The following LARGE1 variants were observed in gnomAD, a reference collection of about 807,000 sequenced individuals.
LARGE1 encodes the protein xylosyl- and glucuronyltransferase LARGE1.
LARGE1 carries 43 observed loss-of-function variants against 87.6 expected under a neutral mutation model. The ratio of observed to expected loss-of-function variants is 0.49; its 90% CI spans 0.38 to 0.63. LARGE1 has a LOEUF of 0.63. Among genes scored for constraint, LARGE1 ranks in the 30% least tolerant of loss-of-function variants. The pLI is 0.00. For synonymous variants in LARGE1, 434 were observed against 394.6 expected, an observed-to-expected ratio of 1.10 and a Z score of -1.18; for missense variants, 802 against 1,000.2, an observed-to-expected ratio of 0.80 and a Z score of 2.67.
At chr22:33,712,772 A>G (rs1182280462) in intron 2 of LARGE1, among the ~76,000 whole-genome samples, 1 of 152,074 alleles carries the variant, frequency 6.6e-6, no homozygotes, top group Non-Finnish European at 1.5e-5. Flanking sequence ...AGGCAACAAC[A>G]CAGGGAAGAA....
At chr22:33,330,942 G>C (rs931997743) in intron 10 of LARGE1, among the ~76,000 whole-genome samples, 2 of 152,204 alleles carry the variant, frequency 1.3e-5, no homozygotes, top group South Asian at 2.1e-4. Context: ...GTTTGACTTA[G>C]AGCAAATGTG....
At chr22:33,160,986 C>T (rs1448193077), downstream of LARGE1, among the ~76,000 whole-genome samples, 1 of 152,202 alleles carries the variant, frequency 6.6e-6, no homozygotes, top group Admixed American at 6.5e-5. Flanking sequence ...CATTCTCATG[C>T]TGCTATAAAG....
intron 1 of LARGE1, among the ~76,000 whole-genome samples, chr22:33,788,188 G>C (rs1272862524): frequency 1.3e-5 from 2 of 152,162 alleles, no homozygotes; most frequent in Non-Finnish European, 2.9e-5. Flanking sequence ...TCCCCATACT[G>C]TGCTCGTGGT....
chr22:33,832,221 T>G (rs1412783622), intron 1 of LARGE1, among the ~76,000 whole-genome samples: 1 of 152,180 alleles, frequency 6.6e-6, no homozygotes, highest in East Asian at 1.9e-4. Context: ...CAGAGCTCAC[T>G]TAGCTCGAGC....
chr22:33,531,926 C>G (rs971689803), intron 6 of LARGE1, among the ~76,000 whole-genome samples: 7 of 152,362 alleles, frequency 4.6e-5, no homozygotes, highest in African/African-American at 1.7e-4. Context: ...TTCCATGCAA[C>G]AGACACTGCA....
intron 1 of LARGE1, among the ~76,000 whole-genome samples, chr22:33,778,449 A>T (rs113309615): frequency 6.6e-6 from 1 of 152,152 alleles, no homozygotes; most frequent in Non-Finnish European, 1.5e-5. Flanking sequence ...ATTTCCATCA[A>T]TCTGAAAGAA....
chr22:33,754,013 G>C (rs185912717), intron 2 of LARGE1, among the ~76,000 whole-genome samples: 32 of 152,232 alleles, frequency 2.1e-4, no homozygotes, highest in Admixed American at 2.0e-3. Flanking sequence ...AATGAGCTGA[G>C]ATTGCGCCAC....
At chr22:33,074,285 T>C in the LARGE1 span, among the ~76,000 whole-genome samples, 1 of 152,182 alleles carries the variant, frequency 6.6e-6, no homozygotes, top group Admixed American at 6.5e-5. Flanking sequence ...TGAGTTGCAA[T>C]AAAGTACCTT....
chr22:33,496,349 G>A (rs955022629), intron 6 of LARGE1, among the ~76,000 whole-genome samples: 1 of 152,116 alleles, frequency 6.6e-6, no homozygotes, highest in Admixed American at 6.5e-5. Context: ...ATCCAATCAA[G>A]TTGACACTCA....
At chr22:33,421,867 T>C (rs1173969850) in intron 7 of LARGE1, among the ~76,000 whole-genome samples, 1 of 152,250 alleles carries the variant, frequency 6.6e-6, no homozygotes, top group Non-Finnish European at 1.5e-5. Flanking sequence ...AGTAGGTTTA[T>C]TCTCTGTGAA....
chr22:33,106,501 T>C, the LARGE1 span, among the ~76,000 whole-genome samples: 4 of 152,086 alleles, frequency 2.6e-5, no homozygotes, highest in Admixed American at 2.6e-4. Flanking sequence ...TCCTTTTTTT[T>C]TTTTCTTTTT....
chr22:33,545,526 C>T (rs2077338119), intron 6 of LARGE1, among the ~76,000 whole-genome samples: 1 of 152,056 alleles, frequency 6.6e-6, no homozygotes, highest in African/African-American at 2.4e-5. Flanking sequence ...ACTGCAACCT[C>T]CACCTCCTGG....
intron 6 of LARGE1, among the ~76,000 whole-genome samples, chr22:33,456,569 A>T (rs1363317490): frequency 6.6e-6 from 1 of 152,188 alleles, no homozygotes. Context: ...CATTTCAATT[A>T]ACTTTCTATT....
chr22:33,494,736 T>C (rs1374612531), intron 6 of LARGE1, among the ~76,000 whole-genome samples: 1 of 152,216 alleles, frequency 6.6e-6, no homozygotes, highest in East Asian at 1.9e-4. Flanking sequence ...GCCACTAGGT[T>C]ACTTGGCATC....
intron 6 of LARGE1, among the ~76,000 whole-genome samples, chr22:33,533,487 A>G (rs982040827): frequency 6.6e-6 from 1 of 152,116 alleles, no homozygotes; most frequent in Non-Finnish European, 1.5e-5. Context: ...CTCTTTCTCG[A>G]GGCGATGAGG....
At chr22:33,680,562 T>C (rs1413607165) in intron 2 of LARGE1, among the ~76,000 whole-genome samples, 1 of 152,172 alleles carries the variant, frequency 6.6e-6, no homozygotes, top group Non-Finnish European at 1.5e-5. Flanking sequence ...TCTGTCCATA[T>C]CAAACCTTTG....
chr22:33,886,853 A>T (rs2064866652), intron 1 of LARGE1, among the ~76,000 whole-genome samples: 1 of 152,250 alleles, frequency 6.6e-6, no homozygotes, highest in Admixed American at 6.5e-5. Flanking sequence ...GAAAACGACA[A>T]AAAGACACCC....
At chr22:33,632,558 C>CTGG (rs1569327687) in intron 3 of LARGE1, among the ~76,000 whole-genome samples, 5 of 152,066 alleles carry the variant, frequency 3.3e-5, no homozygotes, top group Non-Finnish European at 5.9e-5. Context: ...CCCAATCACA[C>CTGG]AAGTTCCAGT....
chr22:33,553,131 T>C (rs5754607), intron 6 of LARGE1, among the ~76,000 whole-genome samples: 3 of 152,144 alleles, frequency 2.0e-5, no homozygotes, highest in Non-Finnish European at 4.4e-5. Flanking sequence ...CAAGGCCTTG[T>C]ATTGTCTCCT....
Sources: gnomAD v4.1 joint callset for allele counts (sites outside exome capture counted in the v4.1 genomes callset) on GRCh38, gnomAD v4.1.1 for gene constraint, MANE v1.5 for transcripts, NCBI Gene and HGNC (gene_info 2026-07-23, HGNC 2026-07-21) for gene names.